The following CREBBP variants were observed in gnomAD, a reference collection of about 807,000 sequenced individuals.
The protein encoded by CREBBP is CREB-binding protein.
Under a neutral mutation model 265.0 loss-of-function variants are expected in CREBBP, and 19 were observed. That is an observed-to-expected ratio of 0.07 (90% CI 0.05 to 0.11). The LOEUF is 0.11. Among genes scored for constraint, CREBBP ranks in the 10% least tolerant of loss-of-function variants. CREBBP has a pLI of 1.00. For missense variants in CREBBP, 2,525 were observed against 3,219.0 expected, an observed-to-expected ratio of 0.78 and a Z score of 5.22; for synonymous variants, 1,457 against 1,223.7, an observed-to-expected ratio of 1.19 and a Z score of -3.98.
At chr16:3,879,699 G>A (rs1336945619) in intron 1 of CREBBP, 133 bp downstream of exon 1, 19 of 979,322 alleles carry the variant, frequency 1.9e-5, no homozygotes, top group African/African-American at 1.1e-4. Context: ...CGCGGGGCGA[G>A]GGGAACGGGC....
chr16:3,871,204 C>G (rs2055291760), intron 1 of CREBBP, among the ~76,000 whole-genome samples: 1 of 110,774 alleles, frequency 9.0e-6, no homozygotes, highest in African/African-American at 2.7e-5. Flanking sequence ...CTCACTCACA[C>G]ACACACACAC....
chr16:3,877,418 T>C (rs1304722184), intron 1 of CREBBP, among the ~76,000 whole-genome samples: 2 of 152,216 alleles, frequency 1.3e-5, no homozygotes, highest in African/African-American at 2.4e-5. Context: ...CTCGTTTCTT[T>C]TGGAGACAGC....
chr16:3,800,946 C>A (rs893647764), intron 3 of CREBBP, among the ~76,000 whole-genome samples: 1 of 152,184 alleles, frequency 6.6e-6, no homozygotes, highest in Non-Finnish European at 1.5e-5. Context: ...CAAAACAAAT[C>A]ATGATGGAGC....
chr16:3,775,301 C>T (rs891664407), intron 11 of CREBBP, among the ~76,000 whole-genome samples: 2 of 152,244 alleles, frequency 1.3e-5, no homozygotes, highest in East Asian at 3.8e-4. Context: ...CAACCTTAGC[C>T]TCCTGTAGTT....
chr16:3,779,236 T>C (rs1293400938), intron 8 of CREBBP, among the ~76,000 whole-genome samples: 2 of 151,576 alleles, frequency 1.3e-5, no homozygotes, highest in Non-Finnish European at 1.5e-5. Flanking sequence ...TACAGTGGCA[T>C]GATCATAGCT....
chr16:3,804,097 C>A (rs1318565643), intron 3 of CREBBP, among the ~76,000 whole-genome samples: 1 of 151,430 alleles, frequency 6.6e-6, no homozygotes, highest in Non-Finnish European at 1.5e-5. Flanking sequence ...AAAAAAATCA[C>A]CCGACCAACC....
chr16:3,770,871 G>T lies in CREBBP; in HGVS notation c.2579C>A (p.Ala860Asp). 6.2e-7 allele frequency: 1 copy of T among 1,613,918 alleles called. No homozygotes were observed. Residue 860 changes from alanine to aspartate, a missense_variant, in exon 14 of 31, where the codon GCT becomes GAT. This residue lies in a region of CREBBP where 548 missense variants were observed against 533.0 expected (regional missense o/e 1.03). Transcript: ENST00000262367. ...AGATGGCATGCCAGCAGCCGTGGAA[G>T]CAGGAGGCGGTGTTGGGTGCAGTGG... Reference protein sequence around the residue: ...QSPLHPTPPPASTAAGMPSLQ... With the variant: ...QSPLHPTPPPDSTAAGMPSLQ...
chr16:3,826,452 G>A (rs2054238979), intron 2 of CREBBP, among the ~76,000 whole-genome samples: 1 of 152,092 alleles, frequency 6.6e-6, no homozygotes, highest in Admixed American at 6.6e-5. Context: ...TTACAGTGGA[G>A]AAACCTGAGA....
chr16:3,743,007 G>C lies in CREBBP; in HGVS notation c.3982+1887C>G, dbSNP rs1316865114. 4 of 152,188 alleles carry C rather than the reference G, an allele frequency of 2.6e-5. No homozygotes were observed. In the East Asian group the frequency reaches 7.7e-4, roughly 29 times the overall value. The allele number at this position is 152,188 out of a possible 1,614,324, so 9.4% of individuals were successfully genotyped here. On this transcript the variant is annotated intron_variant, in intron 23 of 30. Coordinates refer to ENST00000262367, the MANE Select transcript of CREBBP (RefSeq NM_004380.3). ...TGGGTAATTCTGTTTTGGCTACTGA[G>C]CCTCTGGCCCAGGGAAGAACTTCCA...
intron 1 of CREBBP, among the ~76,000 whole-genome samples, chr16:3,871,197 ACT>A (rs780846379): frequency 0.3 from 17,767 of 58,304 alleles, 1,146 homozygotes; most frequent in Middle Eastern, 0.41. Context: ...TCTCTCTCTC[ACT>A]CACACACACA....
chr16:3,755,317 C>T (rs900107650), intron 19 of CREBBP, among the ~76,000 whole-genome samples: 1 of 152,160 alleles, frequency 6.6e-6, no homozygotes, highest in Non-Finnish European at 1.5e-5. Flanking sequence ...TACCAACGGA[C>T]CCAGGAACAG....
chr16:3,846,325 C>G (rs538938250), intron 2 of CREBBP, among the ~76,000 whole-genome samples: 2 of 152,264 alleles, frequency 1.3e-5, no homozygotes, highest in Admixed American at 6.5e-5. Flanking sequence ...CAGTGTTGGT[C>G]AAGATTTGGA....
chr16:3,726,628 G>A lies in CREBBP; in HGVS notation c.*1090C>T. On this transcript the variant is annotated 3_prime_UTR_variant, in exon 31 of 31. Transcript: ENST00000262367. Reference sequence around the variant, plus strand: ...TAAAAACCTTAAACATTCTTACAGGGATCTTAAAGAACAGAATACATGTTA... The same window carrying A: ...TAAAAACCTTAAACATTCTTACAGGAATCTTAAAGAACAGAATACATGTTA... 8.6e-6 allele frequency: 2 copies of A among 233,600 alleles called. No individual in the cohort carries two copies. Among genetic ancestry groups the A allele is most frequent in the Non-Finnish European group, 1.7e-5 (2 of 118,028 alleles). 14.5% of individuals were successfully genotyped at this position (233,600 alleles called of 1,614,324 possible).
In CREBBP at chr16:3,870,798, C is replaced by T. The variant is rs76315434; in HGVS notation, c.85+9034G>A. Among the ~76,000 whole-genome samples, 897 of 152,228 alleles carry T rather than the reference C, an allele frequency of 5.9e-3. 7 individuals are homozygous for T. Among genetic ancestry groups the T allele is most frequent in the Middle Eastern group, 0.017 (5 of 294 alleles). The stretch of plus-strand genomic sequence containing the variant: ...CCATACAATTAAACAATAAAAACAG[C>T]TGCCTCAACCTGCTATATGCCAGGC... On this transcript the variant is annotated intron_variant, in intron 1 of 30. Coordinates refer to ENST00000262367, the MANE Select transcript of CREBBP (RefSeq NM_004380.3).
intron 2 of CREBBP, among the ~76,000 whole-genome samples, chr16:3,847,392 C>A (rs1055959084): frequency 2.0e-5 from 3 of 152,126 alleles, no homozygotes; most frequent in Non-Finnish European, 2.9e-5. Flanking sequence ...GCTCTGCTAT[C>A]GTAAGGTTCT....
At chr16:3,752,033 G>A (rs549001303) in intron 19 of CREBBP, among the ~76,000 whole-genome samples, 2 of 152,180 alleles carry the variant, frequency 1.3e-5, no homozygotes, top group East Asian at 1.9e-4. Context: ...GAGGTAAGAC[G>A]CAGACACCAA....
At chr16:3,763,595 T>C (rs948891681) in intron 16 of CREBBP, among the ~76,000 whole-genome samples, 30 of 151,090 alleles carry the variant, frequency 2.0e-4, no homozygotes, top group African/African-American at 6.8e-4. Flanking sequence ...TCCTGAGTAG[T>C]TGGGATTACA....
chr16:3,740,643 G>A (rs2052180980), intron 23 of CREBBP, 94 bp from the exon 24 acceptor site: 1 of 1,418,892 alleles, frequency 7.0e-7, no homozygotes, highest in Admixed American at 1.8e-5. Flanking sequence ...TGCAGCACAG[G>A]CTGATATTTT....
chr16:3,853,197 A>G (rs1000252963), intron 1 of CREBBP, among the ~76,000 whole-genome samples: 12 of 152,224 alleles, frequency 7.9e-5, no homozygotes, highest in African/African-American at 2.9e-4. Context: ...GACCAAATGA[A>G]TAAGTAAGTG....
Sources: allele counts gnomAD v4.1 joint callset (sites outside exome capture counted in the v4.1 genomes callset), GRCh38; gene constraint gnomAD v4.1.1; regional missense constraint gnomAD v4.1.1; transcripts MANE v1.5; gene names NCBI Gene and HGNC (gene_info 2026-07-23, HGNC 2026-07-21).